The following HEATR3 variants were observed in gnomAD, a reference collection of about 807,000 sequenced individuals.
The protein encoded by HEATR3 is HEAT repeat-containing protein 3.
In HEATR3, 56 loss-of-function variants were observed where a neutral mutation model predicts 72.8. The ratio of observed to expected loss-of-function variants is 0.77; its 90% confidence interval spans 0.62 to 0.96. The LOEUF is 0.96. Among genes scored for constraint, HEATR3 ranks in the 40% least tolerant of loss-of-function variants. The pLI is 0.00. For synonymous variants in HEATR3, 331 were observed against 318.1 expected, an observed-to-expected ratio of 1.04 and a Z score of -0.43; for missense variants, 747 against 831.4, an observed-to-expected ratio of 0.90 and a Z score of 1.25.
chr16:50,077,137 G>A lies in HEATR3; in HGVS notation c.763+1426G>A, dbSNP rs566108374. 3.8e-4 allele frequency among the ~76,000 whole-genome samples: 58 copies of A among 152,128 alleles called. No individual in the cohort carries two copies. The South Asian group carries it at 0.012, about 31-fold the overall frequency. On this transcript the variant is annotated intron_variant, in intron 6 of 14. Coordinates refer to ENST00000299192, the MANE Select transcript of HEATR3 (RefSeq NM_182922.4). The stretch of plus-strand genomic sequence containing the variant: ...GATCCGCCCGCCTTGGCCTCCCAAA[G>A]TGCTGGGATCACAGGCGTGAGCCAC...
intron 11 of HEATR3, among the ~76,000 whole-genome samples, chr16:50,093,067 CTAT>C (rs562710785): frequency 2.0e-5 from 3 of 152,228 alleles, no homozygotes; most frequent in Non-Finnish European, 2.9e-5. Context: ...TAAAGCTCTC[CTAT>C]TATTCTGTGA....
At position 50,066,270 on chromosome 16, in the gene HEATR3, G is replaced by C; in HGVS notation, c.138+1G>C. The C allele has an allele frequency of 6.4e-7, 1 of 1,573,460 alleles. No homozygotes were observed. The highest frequency in any genetic ancestry group is 8.6e-7 in the Non-Finnish European group (1 of 1,163,602). On this transcript the variant is annotated splice_donor_variant, in intron 1 of 14. Transcript: ENST00000299192. LOFTEE classifies it high-confidence loss of function. The stretch of plus-strand genomic sequence containing the variant: ...GCCGGCGGCGGAGCTGCTGGAAAAG[G>C]TGAGGCGAGGGCTCCGTCGGGCCGG...
intron 4 of HEATR3, among the ~76,000 whole-genome samples, chr16:50,071,920 TTTA>T (rs774122198): frequency 3.3e-5 from 5 of 152,208 alleles, no homozygotes; most frequent in Non-Finnish European, 7.3e-5. Flanking sequence ...AGCTGAGTCT[TTTA>T]TTAAAAGGTA....
At chr16:50,084,766 A>G in intron 10 of HEATR3, 115 bp downstream of exon 10, 1 of 688,784 alleles carries the variant, frequency 1.5e-6, no homozygotes, top group Non-Finnish European at 2.4e-6. Flanking sequence ...GTTCCTGGGT[A>G]TATATACCAG....
chr16:50,066,012 C>T lies in HEATR3; in HGVS notation c.-120C>T, dbSNP rs1597131631. The stretch of plus-strand genomic sequence containing the variant: ...CCTGCGCACGGCTTGCCCATGTGTG[C>T]TGCAGCCGTCAGCCGGCCCAGCTGA... On this transcript the variant is annotated 5_prime_UTR_variant, in exon 1 of 15. Transcript: ENST00000299192. 3 of 857,330 alleles carry T rather than the reference C, an allele frequency of 3.5e-6. No individual in the cohort carries two copies. Among genetic ancestry groups the T allele is most frequent in the Non-Finnish European group, 3.1e-6 (2 of 636,974 alleles). 53.1% of individuals were successfully genotyped at this position (857,330 alleles called of 1,614,324 possible).
chr16:50,094,797 A>G lies in HEATR3; in HGVS notation c.1599+4A>G. The G allele has an allele frequency of 8.9e-6, 14 of 1,579,446 alleles. No homozygotes were observed. The highest frequency in any genetic ancestry group is 1.1e-5 in the Non-Finnish European group (13 of 1,160,832). On this transcript the variant is annotated splice_donor_region_variant and intron_variant, in intron 12 of 14. Coordinates refer to ENST00000299192, the MANE Select transcript of HEATR3 (RefSeq NM_182922.4). The stretch of plus-strand genomic sequence containing the variant: ...GGCCTCCAAGAACATTTCCCAGGTA[A>G]GAGTTTTAAAATTTTTTGTATGAAA...
intron 7 of HEATR3, among the ~76,000 whole-genome samples, 199 bp from the exon 8 acceptor site, chr16:50,083,738 A>G (rs1229619559): frequency 1.3e-5 from 2 of 152,266 alleles, no homozygotes; most frequent in Middle Eastern, 3.4e-3. Context: ...TAACGGGGGC[A>G]TGCTCCACTG....
chr16:50,100,714 C>T (rs2037346742), intron 13 of HEATR3: 1 of 273,670 alleles, frequency 3.7e-6, no homozygotes. Flanking sequence ...GTTACATTCT[C>T]CTGCTGATGA....
chr16:50,077,013 G>A (rs1302013381), intron 6 of HEATR3, among the ~76,000 whole-genome samples: 1 of 151,588 alleles, frequency 6.6e-6, no homozygotes, highest in Non-Finnish European at 1.5e-5. Flanking sequence ...GACTACAGGT[G>A]CCTGCCACCA....
At chr16:50,082,638 G>A (rs1444101958) in intron 7 of HEATR3, among the ~76,000 whole-genome samples, 1 of 150,584 alleles carries the variant, frequency 6.6e-6, no homozygotes, top group Non-Finnish European at 1.5e-5. Flanking sequence ...AGAAGCCACT[G>A]GGGCTGGACA....
chr16:50,074,132 G>T (rs907896830), intron 5 of HEATR3: 6 of 152,146 alleles, frequency 3.9e-5, no homozygotes, highest in African/African-American at 1.4e-4. Context: ...TGCATTTTGA[G>T]TAATTTTGAT....
rs543057292 is a variant in HEATR3, at chr16:50,086,139, T to C, written c.1374-76T>C. The C allele has an allele frequency of 3.7e-6, 5 of 1,361,312 alleles. No homozygotes were observed. In the East Asian group the frequency reaches 1.3e-4, roughly 34 times the overall value. 84.3% of individuals were successfully genotyped at this position (1,361,312 alleles called of 1,614,324 possible). The stretch of plus-strand genomic sequence containing the variant: ...ATATTTCCAGTCAGAACGTGAAGCT[T>C]AGGCTAAAAGTTAATACTGAATTCT... On this transcript the variant is annotated intron_variant, in intron 10 of 14. Transcript: ENST00000299192.
intron 10 of HEATR3, among the ~76,000 whole-genome samples, chr16:50,085,287 T>C (rs2036965039): frequency 6.6e-6 from 1 of 152,188 alleles, no homozygotes; most frequent in Admixed American, 6.5e-5. Context: ...AAACTCTCTA[T>C]GTATGTTGTG....
At chr16:50,100,619 A>G (rs1048266760) in intron 13 of HEATR3, 1 of 454,146 alleles carries the variant, frequency 2.2e-6, no homozygotes, top group Non-Finnish European at 3.9e-6. Flanking sequence ...CTTTTTTAAA[A>G]AAATAAATCT....
Position 50,102,319 on chromosome 16 carries a change from G to A in HEATR3, c.1804G>A (p.Glu602Lys), listed in dbSNP as rs1180418409. 6.2e-7 allele frequency: 1 copy of A among 1,614,110 alleles called. No individual in the cohort carries two copies. Among genetic ancestry groups the A allele is most frequent in the East Asian group, 2.2e-5 (1 of 44,880 alleles). ...AGATCCTTCCCTTGTGGTAGCAGGAGAAGCTTTGGATGCCCTCTTTGATGT... is the reference window on the plus strand; with the variant it reads ...AGATCCTTCCCTTGTGGTAGCAGGAAAAGCTTTGGATGCCCTCTTTGATGT... Reference protein sequence around the residue: ...TKDPSLVVAGEALDALFDVFA... With the variant: ...TKDPSLVVAGKALDALFDVFA... Residue 602 changes from glutamate to lysine, a missense_variant, in exon 14 of 15, where the codon GAA (glutamate) becomes AAA (lysine). Glu to Lys is a moderately conservative substitution (Grantham distance 56, BLOSUM62 1). Around this residue, in one of 2 missense-constraint regions of HEATR3, gnomAD observed 586 missense variants for 708.8 expected, o/e 0.83. Transcript: ENST00000299192.
Position 50,084,033 on chromosome 16 carries a change from T to C in HEATR3, c.1132+6T>C. 1 of 1,614,048 alleles carries C rather than the reference T, an allele frequency of 6.2e-7. No individual in the cohort carries two copies. The highest frequency in any genetic ancestry group is 1.1e-5 in the South Asian group (1 of 91,074). On this transcript the variant is annotated splice_donor_region_variant and intron_variant, in intron 8 of 14. Transcript: ENST00000299192. ...CAACATGTGCTGCAATGAAGGTTTG[T>C]TAACATTTACATTTAGACATTTTCC...
At chr16:50,073,650 C>T (rs2036660754) in intron 5 of HEATR3, 1 of 152,046 alleles carries the variant, frequency 6.6e-6, no homozygotes, top group Non-Finnish European at 1.5e-5. Context: ...TGATAGGTGA[C>T]TTAATCTCAG....
chr16:50,066,243 G>T lies in HEATR3; in HGVS notation c.112G>T (p.Gly38Trp). Residue 38 changes from glycine to tryptophan, a missense_variant, in exon 1 of 15, where the codon GGG becomes TGG. This residue lies in a region of HEATR3 where 161 missense variants were observed against 122.6 expected (regional missense o/e 1.31). Transcript: ENST00000299192. ...TGGGACCGGAGGCGAGGAGGACGAC[G>T]GGCCGGCGGCGGAGCTGCTGGAAAA... ...ANGTGGEEDD[G>W]PAAELLEKLQ... The T allele has an allele frequency of 6.4e-7, 1 of 1,565,814 alleles. No individual in the cohort carries two copies. Among genetic ancestry groups the T allele is most frequent in the South Asian group, 1.2e-5 (1 of 85,908 alleles).
intron 11 of HEATR3, among the ~76,000 whole-genome samples, chr16:50,092,971 G>A (rs1296795870): frequency 6.6e-6 from 1 of 152,192 alleles, no homozygotes; most frequent in Non-Finnish European, 1.5e-5. Context: ...CTGTGAGGAG[G>A]TAACATTTGA....
Sources: gnomAD v4.1 joint callset for allele counts (sites outside exome capture counted in the v4.1 genomes callset) on GRCh38, gnomAD v4.1.1 for gene constraint, gnomAD v4.1.1 regional missense constraint, MANE v1.5 for transcripts, NCBI Gene and HGNC (gene_info 2026-07-23, HGNC 2026-07-21) for gene names.